The following FMN2 variants were observed in gnomAD, a reference collection of about 807,000 sequenced individuals.
FMN2 encodes the protein formin 2.
Under a neutral mutation model 142.3 loss-of-function variants are expected in FMN2, and 51 were observed. That is an observed-to-expected ratio of 0.36 (90% CI 0.29 to 0.45). The LOEUF (loss-of-function observed/expected upper bound fraction) is 0.45. FMN2 is among the 20% of genes least tolerant of loss of function. The pLI is 1.00. For synonymous variants in FMN2, 882 were observed against 869.8 expected, an observed-to-expected ratio of 1.01 and a Z score of -0.25; for missense variants, 1,936 against 2,122.8, an observed-to-expected ratio of 0.91 and a Z score of 1.73.
chr1:240,216,751 C>A (rs757143857), intron 6 of FMN2, among the ~76,000 whole-genome samples: 2 of 151,946 alleles, frequency 1.3e-5, no homozygotes, highest in Non-Finnish European at 2.9e-5. Flanking sequence ...AGTTTGAGAC[C>A]AGCCTGACAA....
At chr1:240,256,597 A>AG (rs1668458217) in intron 6 of FMN2, among the ~76,000 whole-genome samples, 1 of 151,524 alleles carries the variant, frequency 6.6e-6, no homozygotes, top group South Asian at 2.1e-4. Context: ...AAAAAAAAAA[A>AG]AAAAATAGCT....
intron 16 of FMN2, among the ~76,000 whole-genome samples, chr1:240,452,678 A>T (rs1191468223): frequency 2.0e-5 from 3 of 152,172 alleles, no homozygotes; most frequent in African/African-American, 7.2e-5. Flanking sequence ...AGGAAAAAGT[A>T]TGAAAAAGGT....
rs754984316 is a variant in FMN2 at position 240,207,335 on chromosome 1, C to G, written c.2523C>G (p.His841Gln). Residue 841 changes from histidine to glutamine, a missense_variant, in exon 5 of 18, where the codon CAC becomes CAG. Physicochemically the swap from His to Gln is conservative, Grantham distance 24 (BLOSUM62 0). Coordinates refer to ENST00000319653, the MANE Select transcript of FMN2 (RefSeq NM_020066.5). ...HSISTEFQTSHEHSVSSAFKN... is the reference protein window; with the variant it reads ...HSISTEFQTSQEHSVSSAFKN... ...TTTCTACCGAGTTTCAAACCAGCCA[C>G]GAACACTCTGTTTCCTCTGCCTTTA... The G allele has an allele frequency of 3.7e-6, 6 of 1,613,680 alleles. No individual in the cohort carries two copies. The East Asian group carries it at 6.7e-5, about 18-fold the overall frequency.
At chr1:240,212,823 G>A (rs113725919) in intron 6 of FMN2, among the ~76,000 whole-genome samples, 24 of 152,142 alleles carry the variant, frequency 1.6e-4, no homozygotes, top group African/African-American at 4.6e-4. Flanking sequence ...TCAGGCAGCC[G>A]GAACTGTCAC....
chr1:240,365,908 C>G (rs1006481884), intron 14 of FMN2, among the ~76,000 whole-genome samples: 4 of 152,088 alleles, frequency 2.6e-5, no homozygotes, highest in Non-Finnish European at 1.5e-5. Context: ...GGAACACTAG[C>G]TAACAACTGA....
intron 8 of FMN2, among the ~76,000 whole-genome samples, chr1:240,326,444 C>G (rs1671174296): frequency 6.6e-6 from 1 of 152,130 alleles, no homozygotes; most frequent in Admixed American, 6.5e-5. Context: ...TCACTTTGTT[C>G]TGAAGACATT....
chr1:240,331,939 A>G (rs1236272130), intron 11 of FMN2, among the ~76,000 whole-genome samples: 1 of 152,214 alleles, frequency 6.6e-6, no homozygotes, highest in East Asian at 1.9e-4. Flanking sequence ...GGGTACTCGC[A>G]GTACAGTTTC....
chr1:240,356,332 A>T (rs1672271664), intron 14 of FMN2, among the ~76,000 whole-genome samples: 1 of 152,120 alleles, frequency 6.6e-6, no homozygotes, highest in Admixed American at 6.6e-5. Flanking sequence ...CAGGGAACAA[A>T]CTATATTGAT....
At chr1:240,399,646 C>A (rs934728569) in intron 15 of FMN2, among the ~76,000 whole-genome samples, 1 of 152,188 alleles carries the variant, frequency 6.6e-6, no homozygotes, top group Non-Finnish European at 1.5e-5. Flanking sequence ...CAGCTTATTG[C>A]AGACGTTCTG....
chr1:240,356,745 T>G (rs530628329), intron 14 of FMN2, among the ~76,000 whole-genome samples: 3 of 152,340 alleles, frequency 2.0e-5, no homozygotes, highest in Admixed American at 6.5e-5. Context: ...AAGAACACTC[T>G]GAAGATTGGC....
intron 8 of FMN2, among the ~76,000 whole-genome samples, chr1:240,316,144 A>G (rs967048954): frequency 6.6e-6 from 1 of 152,210 alleles, no homozygotes; most frequent in Admixed American, 6.5e-5. Flanking sequence ...TTTGGATGTA[A>G]TGTGGATGAC....
intron 3 of FMN2, chr1:240,180,094 G>A (rs1366195633): frequency 2.1e-6 from 2 of 932,200 alleles, no homozygotes; most frequent in Non-Finnish European, 3.0e-6. Context: ...ATGATTTGAT[G>A]TAGCTTGCAA....
chr1:240,385,388 G>A (rs1036612125), intron 14 of FMN2, among the ~76,000 whole-genome samples: 1 of 152,272 alleles, frequency 6.6e-6, no homozygotes, highest in South Asian at 2.1e-4. Flanking sequence ...TTCTTCAATA[G>A]GGTAGTTGTC....
At chr1:240,429,387 C>T (rs1675061258) in intron 15 of FMN2, among the ~76,000 whole-genome samples, 1 of 152,110 alleles carries the variant, frequency 6.6e-6, no homozygotes, top group African/African-American at 2.4e-5. Context: ...CTCCTGTATT[C>T]CGTCTTTTCA....
chr1:240,423,181 A>G (rs1173046991), intron 15 of FMN2, among the ~76,000 whole-genome samples: 1 of 152,226 alleles, frequency 6.6e-6, no homozygotes, highest in Non-Finnish European at 1.5e-5. Flanking sequence ...TTTTTTAATA[A>G]TAAGTGAAAG....
chr1:240,218,344 A>C (rs1666984279), intron 6 of FMN2, among the ~76,000 whole-genome samples: 1 of 150,990 alleles, frequency 6.6e-6, no homozygotes, highest in African/African-American at 2.4e-5. Context: ...AAGGGGTATT[A>C]ATTTTTAATG....
At chr1:240,270,914 T>C (rs1668980090) in intron 7 of FMN2, among the ~76,000 whole-genome samples, 2 of 151,940 alleles carry the variant, frequency 1.3e-5, no homozygotes, top group African/African-American at 4.8e-5. Flanking sequence ...TAAGTCCTGC[T>C]GGTCTATTGC....
chr1:240,269,013 A>T (rs1218564895), intron 7 of FMN2, among the ~76,000 whole-genome samples: 1 of 151,692 alleles, frequency 6.6e-6, no homozygotes, highest in Non-Finnish European at 1.5e-5. Flanking sequence ...TTGTCTCTGC[A>T]CTCTATTGTT....
chr1:240,116,507 G>A (rs1662028258), intron 1 of FMN2, among the ~76,000 whole-genome samples: 1 of 151,968 alleles, frequency 6.6e-6, no homozygotes, highest in Middle Eastern at 3.2e-3. Context: ...ATAGGGGAAG[G>A]GAATATCATG....
Sources: gnomAD v4.1 joint callset for allele counts (sites outside exome capture counted in the v4.1 genomes callset) on GRCh38, gnomAD v4.1.1 for gene constraint, MANE v1.5 for transcripts, NCBI Gene and HGNC (gene_info 2026-07-23, HGNC 2026-07-21) for gene names.